The following SYNPR variants were observed in gnomAD, a reference collection of about 807,000 sequenced individuals.
SYNPR encodes synaptoporin.
Under a neutral mutation model 32.9 loss-of-function variants are expected in SYNPR, and 23 were observed. The observed-to-expected ratio is 0.70, with a 90% CI of 0.50 to 0.99. The LOEUF is 0.99. Ranked by LOEUF, SYNPR falls within the 50% of genes least tolerant of loss-of-function variation. The probability of loss-of-function intolerance (pLI) is 0.00; values close to 1 mark genes in which losing one functional copy is unlikely to be tolerated. For missense variants in SYNPR, 318 were observed against 349.3 expected, an observed-to-expected ratio of 0.91 and a Z score of 0.71; for synonymous variants, 146 against 135.9, an observed-to-expected ratio of 1.07 and a Z score of -0.52.
At chr3:63,443,953 T>C (rs754838528) in intron 2 of SYNPR, among the ~76,000 whole-genome samples, 4 of 152,226 alleles carry the variant, frequency 2.6e-5, no homozygotes, top group Non-Finnish European at 4.4e-5. Context: ...TAAGGTCTTA[T>C]AGCAGTATGT....
chr3:63,319,373 GT>G (rs1229342273), intron 2 of SYNPR, among the ~76,000 whole-genome samples: 1 of 151,836 alleles, frequency 6.6e-6, no homozygotes, highest in Non-Finnish European at 1.5e-5. Context: ...CTCTAGCTTT[GT>G]TTTTTTGCTT....
At position 63,460,826 on chromosome 3, in the gene SYNPR, C is replaced by T. The variant is rs1417293871; in HGVS notation, c.85-20006C>T. 2.0e-5 allele frequency among the ~76,000 whole-genome samples: 3 copies of T among 151,968 alleles called. No homozygotes were observed. The East Asian group carries it at 5.8e-4, about 29-fold the overall frequency. On this transcript the variant is annotated intron_variant, in intron 2 of 5. Transcript: ENST00000478300. ...TCTGGAAAGACAGCCCTTGTGGCAG[C>T]ATGGATATAGATGTTTGGGGGCAAG...
chr3:63,527,363 T>C (rs1397248776), intron 3 of SYNPR, among the ~76,000 whole-genome samples: 1 of 147,518 alleles, frequency 6.8e-6, no homozygotes, highest in African/African-American at 2.5e-5. Flanking sequence ...CCAACCACAG[T>C]CTTCCCTTTC....
intron 2 of SYNPR, among the ~76,000 whole-genome samples, chr3:63,394,639 G>T (rs976732719): frequency 6.6e-6 from 1 of 152,010 alleles, no homozygotes; most frequent in African/African-American, 2.4e-5. Context: ...AAGAAAAAAT[G>T]CTCCCCAGAT....
At chr3:63,225,064 C>G (rs923017463), upstream of SYNPR, among the ~76,000 whole-genome samples, 1 of 152,164 alleles carries the variant, frequency 6.6e-6, no homozygotes, top group Non-Finnish European at 1.5e-5. Flanking sequence ...AGGAGACTCT[C>G]GCTATGTCCC....
At chr3:63,597,504 A>C (rs1699978868) in intron 4 of SYNPR, among the ~76,000 whole-genome samples, 1 of 152,132 alleles carries the variant, frequency 6.6e-6, no homozygotes, top group African/African-American at 2.4e-5. Flanking sequence ...CCCAACTGAG[A>C]CTTTACTAGT....
rs200675408 is a variant in SYNPR, at chr3:63,507,161, A to AG, written c.209+26205_209+26206insG. Among the ~76,000 whole-genome samples the AG allele has an allele frequency of 3.2e-3, 490 of 152,214 alleles. 1 individual carries two copies. The highest frequency in any genetic ancestry group is 0.011 in the African/African-American group (457 of 41,552). ...GACTCTGTCTCAAAAAATAAAAAAA[A>AG]AAAAGAAAAGAAAAAGAAATTGGGC... is the stretch of plus-strand genomic sequence containing the variant. On this transcript the variant is annotated intron_variant, in intron 3 of 5. Coordinates refer to ENST00000478300, the MANE Select transcript of SYNPR (RefSeq NM_001130003.2).
chr3:63,316,942 A>T (rs1350197725), intron 2 of SYNPR, among the ~76,000 whole-genome samples: 1 of 151,878 alleles, frequency 6.6e-6, no homozygotes, highest in African/African-American at 2.4e-5. Context: ...CATTATTGTC[A>T]TTCAATTCAA....
intron 4 of SYNPR, among the ~76,000 whole-genome samples, chr3:63,570,703 A>G (rs1163010554): frequency 1.3e-5 from 2 of 152,100 alleles, no homozygotes; most frequent in Non-Finnish European, 2.9e-5. Context: ...TAAACCTCCC[A>G]GCTCTGTGTA....
At chr3:63,227,339 CTG>C (rs1449742901), upstream of SYNPR, among the ~76,000 whole-genome samples, 1 of 152,150 alleles carries the variant, frequency 6.6e-6, no homozygotes, top group African/African-American at 2.4e-5. Context: ...ATAGATCTTT[CTG>C]TTTTAAATAG....
chr3:63,312,060 A>G (rs902156572), intron 2 of SYNPR, among the ~76,000 whole-genome samples: 4 of 152,046 alleles, frequency 2.6e-5, no homozygotes, highest in African/African-American at 9.7e-5. Context: ...ATTCCCCTCC[A>G]TTAGCAATAT....
chr3:63,485,292 A>G (rs1455639311), intron 3 of SYNPR, among the ~76,000 whole-genome samples: 3 of 152,154 alleles, frequency 2.0e-5, no homozygotes, highest in African/African-American at 7.2e-5. Context: ...GATGACCCAG[A>G]AAGTTCAGGT....
chr3:63,322,205 T>G (rs559962382), intron 2 of SYNPR, among the ~76,000 whole-genome samples: 1 of 152,044 alleles, frequency 6.6e-6, no homozygotes, highest in Admixed American at 6.6e-5. Context: ...GAGTTTTCAT[T>G]TGCAACTTTT....
At chr3:63,537,563 T>C (rs1028490332) in intron 3 of SYNPR, among the ~76,000 whole-genome samples, 2 of 152,150 alleles carry the variant, frequency 1.3e-5, no homozygotes, top group African/African-American at 4.8e-5. Flanking sequence ...GCACAGTGCC[T>C]GGCACCTGGT....
At chr3:63,375,636 G>T (rs887188081) in intron 2 of SYNPR, among the ~76,000 whole-genome samples, 1 of 152,054 alleles carries the variant, frequency 6.6e-6, no homozygotes, top group Non-Finnish European at 1.5e-5. Context: ...GAGTTGATGT[G>T]TGCAGCAAAC....
intron 4 of SYNPR, among the ~76,000 whole-genome samples, chr3:63,589,131 T>C (rs371721500): frequency 5.9e-5 from 9 of 152,100 alleles, no homozygotes; most frequent in African/African-American, 1.7e-4. Context: ...AGCCATTTTG[T>C]GTTGTATTCA....
At chr3:63,270,138 A>T (rs138565350) in intron 3 of SYNPR, among the ~76,000 whole-genome samples, 66 of 152,314 alleles carry the variant, frequency 4.3e-4, no homozygotes, top group African/African-American at 1.5e-3. Flanking sequence ...GCTTTGTATT[A>T]GGGGATAGTC....
intron 2 of SYNPR, among the ~76,000 whole-genome samples, chr3:63,463,599 T>C (rs1053912837): frequency 6.6e-6 from 1 of 152,192 alleles, no homozygotes; most frequent in African/African-American, 2.4e-5. Context: ...ATCTCTGGGT[T>C]GGTCTGTTAG....
At chr3:63,559,541 C>A (rs1228082162) in intron 4 of SYNPR, among the ~76,000 whole-genome samples, 1 of 152,102 alleles carries the variant, frequency 6.6e-6, no homozygotes, top group African/African-American at 2.4e-5. Flanking sequence ...TTATAGAGAT[C>A]TGAACCTTAA....
Sources: allele counts gnomAD v4.1 joint callset (sites outside exome capture counted in the v4.1 genomes callset), GRCh38; gene constraint gnomAD v4.1.1; transcripts MANE v1.5; gene names NCBI Gene and HGNC (gene_info 2026-07-23, HGNC 2026-07-21).